Variants in NHS observed in about 807,000 individuals in gnomAD.
NHS encodes NHS actin remodeling regulator.
A neutral mutation model predicts 72.5 loss-of-function variants in NHS; 5 were observed. The ratio of observed to expected loss-of-function variants is 0.07; its 90% CI spans 0.04 to 0.14. The LOEUF (loss-of-function observed/expected upper bound fraction) is 0.14, where lower values mean the gene tolerates loss of function less well. NHS is among the 10% of genes least tolerant of loss of function. The probability of loss-of-function intolerance (pLI) is 1.00; values close to 1 mark genes in which losing one functional copy is unlikely to be tolerated. For synonymous variants in NHS, 464 were observed against 547.7 expected (o/e 0.85, Z 2.13); for missense variants, 1,072 against 1,355.7 (o/e 0.79, Z 3.29).
intron 1 of NHS, among the ~76,000 whole-genome samples, chrX:17,523,445 CA>C (rs765911206): frequency 9.0e-4 from 100 of 111,721 alleles, no homozygotes; most frequent in Non-Finnish European, 1.5e-3. Flanking sequence ...CTGCTGCTGC[CA>C]AAAATGGCAG....
intron 1 of NHS, among the ~76,000 whole-genome samples, chrX:17,550,019 T>G (rs2146958965): frequency 9.0e-6 from 1 of 111,706 alleles, no homozygotes; most frequent in East Asian, 2.8e-4. Flanking sequence ...CTGCTTACTG[T>G]AGGGTCATGA....
At chrX:17,578,387 C>A (rs971526165) in intron 1 of NHS, among the ~76,000 whole-genome samples, 14 of 112,267 alleles carry the variant, frequency 1.2e-4, no homozygotes, top group African/African-American at 4.5e-4. Context: ...TGCATCCCAG[C>A]ATTGGGTTAG....
chrX:17,502,508 G>GTCTGCCCGATGCTTCT (rs1345992429), intron 1 of NHS, among the ~76,000 whole-genome samples: 1 of 18,965 alleles, frequency 5.3e-5, no homozygotes, highest in Non-Finnish European at 1.5e-4. Flanking sequence ...AGTCAGGGTT[G>GTCTGCCCGATGCTTCT]GCCGGGCGCG....
At chrX:17,423,286 T>C (rs751960679) in intron 1 of NHS, among the ~76,000 whole-genome samples, 2 of 111,911 alleles carry the variant, frequency 1.8e-5, no homozygotes, top group Non-Finnish European at 3.8e-5. Flanking sequence ...ATTTCTATCA[T>C]TGCATGTGCT....
At chrX:17,412,605 AAGAG>A (rs777077115) in intron 1 of NHS, among the ~76,000 whole-genome samples, 8 of 109,886 alleles carry the variant, frequency 7.3e-5, no homozygotes, top group South Asian at 3.8e-4. Flanking sequence ...CTTAAGAAGA[AAGAG>A]AGAGAGAGAG....
At chrX:17,581,426 G>A (rs2065543117) in intron 1 of NHS, among the ~76,000 whole-genome samples, 1 of 111,398 alleles carries the variant, frequency 9.0e-6, no homozygotes, top group South Asian at 3.9e-4. Flanking sequence ...AAAGAATCCA[G>A]CTGAGAAGAC....
chrX:17,725,801 C>T lies in NHS; in HGVS notation c.1695C>T (p.Cys565=). Residue 565 remains cysteine, a synonymous_variant, in exon 7 of 9, where the codon TGC becomes TGT. Transcript: ENST00000676302. ...ACCAGCCTACTTTGGGCCTGGCCTG[C>T]TCTCAACATCTTCACAGCCCCCAGC... ...QDHQPTLGLA[C]SQHLHSPQHK... is the part of the protein sequence containing the mutation. The T allele has an allele frequency of 1.7e-6, 2 of 1,211,646 alleles. No homozygotes were observed. The highest frequency in any genetic ancestry group is 3.5e-5 in the South Asian group (2 of 56,979).
chrX:17,552,197 A>C (rs960932428), intron 1 of NHS, among the ~76,000 whole-genome samples: 1 of 112,035 alleles, frequency 8.9e-6, no homozygotes, highest in Non-Finnish European at 1.9e-5. Context: ...AGGCATTCTG[A>C]ATGGTGTCTC....
chrX:17,583,151 A>G (rs2065553384), intron 1 of NHS, among the ~76,000 whole-genome samples: 1 of 112,134 alleles, frequency 8.9e-6, no homozygotes, highest in Non-Finnish European at 1.9e-5. Context: ...TGCATAGCTA[A>G]TCAACAAATA....
chrX:17,579,467 C>T (rs1726241246), intron 1 of NHS, among the ~76,000 whole-genome samples: 1 of 111,016 alleles, frequency 9.0e-6, no homozygotes, highest in Non-Finnish European at 1.9e-5. Flanking sequence ...TCTCTCTCCC[C>T]CTGCTCCCCC....
At chrX:17,410,824 C>T (rs900055435) in intron 1 of NHS, among the ~76,000 whole-genome samples, 13 of 111,361 alleles carry the variant, frequency 1.2e-4, no homozygotes, top group African/African-American at 4.2e-4. Flanking sequence ...ATTATTTAGT[C>T]AAAGGAAACT....
In NHS at chrX:17,725,482, C is replaced by T. The variant is rs184526597; in HGVS notation, c.1376C>T (p.Pro459Leu). The change falls in exon 7 of 9, where the codon CCA becomes CTA. Residue 459 changes from proline (P) to leucine (L), a missense_variant. Pro to Leu is a moderately conservative substitution (Grantham distance 98). Coordinates refer to ENST00000676302, the MANE Select transcript of NHS (RefSeq NM_001291867.2). ...ACCGAGGATATTCTGATTGCTGCCC[C>T]ATCCAGAAGGAGAATCAGAGCTCAA... is the stretch of plus-strand genomic sequence containing the variant. ...CQTEDILIAA[P>L]SRRRIRAQRG... 1 of 1,211,790 alleles carries T rather than the reference C, an allele frequency of 8.3e-7. No homozygotes were observed. Among genetic ancestry groups the T allele is most frequent in the Non-Finnish European group, 1.1e-6 (1 of 895,544 alleles).
rs770236873 is a variant in NHS, at chrX:17,726,789, G to A, written c.2683G>A (p.Ala895Thr). 5.7e-5 allele frequency: 69 copies of A among 1,209,939 alleles called. No individual in the cohort carries two copies. Among genetic ancestry groups the A allele is most frequent in the East Asian group, 1.2e-4 (4 of 33,755 alleles). ...SREMKLPLDF[A>T]NTPSRMENAN... Reference sequence around the variant, plus strand: ...GGAAATGAAGCTGCCTCTTGATTTCGCCAACACGCCTTCTCGAATGGAAAA... The same window carrying A: ...GGAAATGAAGCTGCCTCTTGATTTCACCAACACGCCTTCTCGAATGGAAAA... Residue 895 changes from alanine (A) to threonine (T), a missense_variant, in exon 7 of 9, where the codon GCC becomes ACC. Transcript: ENST00000676302.
At chrX:17,630,287 C>T (rs1243260381) in intron 1 of NHS, among the ~76,000 whole-genome samples, 1 of 105,086 alleles carries the variant, frequency 9.5e-6, no homozygotes, top group African/African-American at 3.5e-5. Context: ...CGAAACCCTT[C>T]CTGCAAGTTA....
intron 1 of NHS, among the ~76,000 whole-genome samples, chrX:17,490,355 T>C (rs1311680209): frequency 8.9e-6 from 1 of 112,468 alleles, no homozygotes; most frequent in East Asian, 2.8e-4. Flanking sequence ...CTAGCCAGTT[T>C]TCCCAACACC....
intron 1 of NHS, among the ~76,000 whole-genome samples, chrX:17,383,713 C>G (rs2064391368): frequency 8.9e-6 from 1 of 111,775 alleles, no homozygotes; most frequent in African/African-American, 3.3e-5. Context: ...CCACCGTGTC[C>G]CTCCTCTTAC....
intron 8 of NHS, among the ~76,000 whole-genome samples, chrX:17,730,015 C>G (rs1021713718): frequency 8.9e-6 from 1 of 112,324 alleles, no homozygotes; most frequent in Non-Finnish European, 1.9e-5. Flanking sequence ...AGGAGCCAAT[C>G]AGAAACACCT....
intron 1 of NHS, among the ~76,000 whole-genome samples, chrX:17,568,787 G>C (rs1031615618): frequency 9.2e-6 from 1 of 108,539 alleles, no homozygotes; most frequent in African/African-American, 3.4e-5. Flanking sequence ...ACCTACATTA[G>C]GTATTTCTCC....
At chrX:17,514,656 T>C (rs1034409526) in intron 1 of NHS, among the ~76,000 whole-genome samples, 2 of 111,705 alleles carry the variant, frequency 1.8e-5, no homozygotes, top group Admixed American at 1.9e-4. Context: ...TATACATATA[T>C]CTGTTAGTTC....
Sources: allele counts gnomAD v4.1 joint callset (sites outside exome capture counted in the v4.1 genomes callset), GRCh38; gene constraint gnomAD v4.1.1; transcripts MANE v1.5; gene names NCBI Gene and HGNC (gene_info 2026-07-23, HGNC 2026-07-21).